The following XPO6 variants were observed in gnomAD, a reference collection of about 807,000 sequenced individuals.
The protein encoded by XPO6 is exportin-6.
A neutral mutation model predicts 130.0 loss-of-function variants in XPO6; 3 were observed. That is an observed-to-expected ratio of 0.02 (90% CI 0.01 to 0.06). XPO6 has a LOEUF of 0.06. Among genes scored for constraint, XPO6 ranks in the 10% least tolerant of loss-of-function variants. The pLI is 1.00. For synonymous variants in XPO6, 524 were observed against 548.9 expected (o/e 0.95, Z 0.63); for missense variants, 970 against 1,393.0 (o/e 0.70, Z 4.83).
chr16:28,157,241 G>A (rs1273443248), intron 6 of XPO6, among the ~76,000 whole-genome samples: 1 of 152,132 alleles, frequency 6.6e-6, no homozygotes, highest in Non-Finnish European at 1.5e-5. Context: ...TGGATTACCT[G>A]AGGTCAGTAG....
chr16:28,112,792 G>A (rs967996195), intron 16 of XPO6, 112 bp downstream of exon 16: 20 of 1,372,918 alleles, frequency 1.5e-5, no homozygotes, highest in Non-Finnish European at 1.9e-5. Flanking sequence ...GTCTATGCTG[G>A]TACAGCCTGT....
chr16:28,180,885 C>A (rs1172100143), intron 2 of XPO6, 56 bp downstream of exon 2: 3 of 1,439,838 alleles, frequency 2.1e-6, no homozygotes, highest in Admixed American at 1.9e-5. Context: ...ACTCCTTCCT[C>A]CCTACCAGGG....
intron 16 of XPO6, 103 bp from the exon 17 acceptor site, chr16:28,112,109 C>A (rs1436583945): frequency 7.3e-7 from 1 of 1,368,638 alleles, no homozygotes; most frequent in Non-Finnish European, 9.8e-7. Flanking sequence ...CACCTGGAAC[C>A]CTAGCCCCCA....
chr16:28,117,175 C>A, intron 15 of XPO6, 143 bp downstream of exon 15: 2 of 1,134,308 alleles, frequency 1.8e-6, no homozygotes, highest in South Asian at 1.8e-5. Context: ...TAAAAAGGAA[C>A]ATGAAATAAA....
chr16:28,143,927 A>C (rs111475954), intron 9 of XPO6, among the ~76,000 whole-genome samples: 1 of 151,964 alleles, frequency 6.6e-6, no homozygotes, highest in African/African-American at 2.4e-5. Context: ...GAGCCACCGC[A>C]CTCGGCCTTG....
intron 9 of XPO6, among the ~76,000 whole-genome samples, chr16:28,143,924 C>T (rs1439255730): frequency 2.0e-5 from 3 of 152,180 alleles, no homozygotes; most frequent in African/African-American, 7.2e-5. Context: ...CAGGAGCCAC[C>T]GCACTCGGCC....
intron 8 of XPO6, among the ~76,000 whole-genome samples, chr16:28,151,657 G>A (rs539820375): frequency 1.3e-5 from 2 of 152,264 alleles, no homozygotes; most frequent in Admixed American, 1.3e-4. Context: ...ATGTCAATTT[G>A]GGGAAAACTC....
chr16:28,192,179 C>T (rs956036340), intron 1 of XPO6, among the ~76,000 whole-genome samples: 2 of 148,592 alleles, frequency 1.3e-5, no homozygotes, highest in African/African-American at 5.0e-5. Flanking sequence ...AGGAGAATCA[C>T]TTGAACCCAG....
At chr16:28,108,913 C>T (rs1179465135) in intron 17 of XPO6, among the ~76,000 whole-genome samples, 1 of 152,198 alleles carries the variant, frequency 6.6e-6, no homozygotes, top group Non-Finnish European at 1.5e-5. Flanking sequence ...AGACGCTTCT[C>T]GCCACAGGCC....
At chr16:28,161,082 A>G (rs1191225523) in intron 6 of XPO6, among the ~76,000 whole-genome samples, 1 of 152,254 alleles carries the variant, frequency 6.6e-6, no homozygotes, top group East Asian at 1.9e-4. Context: ...AAATGAACAA[A>G]GGGCTTTAGT....
intron 23 of XPO6, chr16:28,100,944 G>T (rs977039635): frequency 4.5e-6 from 1 of 219,828 alleles, no homozygotes; most frequent in Admixed American, 5.3e-5. Flanking sequence ...TACTAGGAGG[G>T]CTCCTCCCAG....
intron 1 of XPO6, among the ~76,000 whole-genome samples, chr16:28,210,180 G>A (rs949117602): frequency 1.1e-4 from 17 of 152,118 alleles, no homozygotes; most frequent in Admixed American, 1.3e-4. Flanking sequence ...TATACTGTAC[G>A]GTGCTGCTCA....
chr16:28,125,926 GCC>G (rs751660280), intron 12 of XPO6, 78 bp from the exon 13 acceptor site: 38 of 1,529,106 alleles, frequency 2.5e-5, no homozygotes, highest in Non-Finnish European at 3.3e-5. Flanking sequence ...GGTCCAGCAA[GCC>G]ACACACAGCA....
At chr16:28,188,052 C>A (rs908809475) in intron 1 of XPO6, among the ~76,000 whole-genome samples, 7 of 152,094 alleles carry the variant, frequency 4.6e-5, no homozygotes, top group African/African-American at 1.7e-4. Context: ...CTAAAACAAC[C>A]CCCTCTAAGC....
Position 28,098,567 on chromosome 16 carries a change from T to C in XPO6, c.3349A>G (p.Ser1117Gly), listed in dbSNP as rs1386597897. The change falls in exon 24 of 24, where the codon AGC becomes GGC. Residue 1117 changes from serine (S) to glycine (G), a missense_variant. Transcript: ENST00000304658. ...AGCTTCACAGTGCCAGGGGGCAGGC[T>C]GTCGTTGCAGAGTCTGTAGTAGCGC... ...DLRYYRLCNDSLPPGTVKL is the reference protein window; with the variant it reads ...DLRYYRLCNDGLPPGTVKL 1 of 1,612,706 alleles carries C rather than the reference T, an allele frequency of 6.2e-7. No individual in the cohort carries two copies. Among genetic ancestry groups the C allele is most frequent in the Non-Finnish European group, 8.5e-7 (1 of 1,179,154 alleles).
intron 9 of XPO6, among the ~76,000 whole-genome samples, chr16:28,137,821 G>A (rs1311568446): frequency 6.6e-6 from 1 of 152,042 alleles, no homozygotes; most frequent in Non-Finnish European, 1.5e-5. Flanking sequence ...CCTCACCCAG[G>A]CACTGAGCAT....
At chr16:28,147,134 G>C (rs531589690) in intron 8 of XPO6, among the ~76,000 whole-genome samples, 2 of 152,326 alleles carry the variant, frequency 1.3e-5, no homozygotes, top group African/African-American at 4.8e-5. Context: ...TCTTGGATCA[G>C]TTTCTTTCCA....
At chr16:28,146,251 T>A in intron 8 of XPO6, 48 bp from the exon 9 acceptor site, 1 of 1,308,902 alleles carries the variant, frequency 7.6e-7, no homozygotes, top group Non-Finnish European at 1.1e-6. Flanking sequence ...AATGCTACTA[T>A]TCCTTAGAAA....
rs145100110 is a variant in XPO6 at position 28,098,355 on chromosome 16, C to T, written c.*183G>A. 6,033 of 575,726 alleles carry T rather than the reference C, an allele frequency of 0.01. 57 individuals carry two copies. Among genetic ancestry groups the T allele is most frequent in the Middle Eastern group, 0.023 (48 of 2,128 alleles). The allele number at this position is 575,726 out of a possible 1,614,324, so 35.7% of individuals were successfully genotyped here. A position where few individuals can be genotyped will look rare whatever the true frequency, so the allele number is the denominator to read the frequency against. ...GAGCACCGTCCAGTGCTCAGGTGGACCCAGAAGCCAGCTCTGCTGGGCAGC... is the reference window on the plus strand; with the variant it reads ...GAGCACCGTCCAGTGCTCAGGTGGATCCAGAAGCCAGCTCTGCTGGGCAGC... On this transcript the variant is annotated 3_prime_UTR_variant, in exon 24 of 24. Coordinates refer to ENST00000304658, the MANE Select transcript of XPO6 (RefSeq NM_015171.4).
Sources: allele counts gnomAD v4.1 joint callset (sites outside exome capture counted in the v4.1 genomes callset), GRCh38; gene constraint gnomAD v4.1.1; transcripts MANE v1.5; gene names NCBI Gene and HGNC (gene_info 2026-07-23, HGNC 2026-07-21).